ROR2: variants seen among roughly 807,000 people sequenced by gnomAD.
The protein encoded by ROR2 is tyrosine-protein kinase transmembrane receptor ROR2.
ROR2 carries 33 observed loss-of-function variants against 74.9 expected under a neutral mutation model. The observed-to-expected ratio is 0.44, with a 90% confidence interval of 0.33 to 0.59. The LOEUF is 0.59. ROR2 is among the 20% of genes least tolerant of loss of function. The probability of loss-of-function intolerance (pLI) is 0.02; values close to 1 mark genes in which losing one functional copy is unlikely to be tolerated. For missense variants in ROR2, 1,216 were observed against 1,313.8 expected, an observed-to-expected ratio of 0.93 and a Z score of 1.15; for synonymous variants, 586 against 558.7, an observed-to-expected ratio of 1.05 and a Z score of -0.69.
At chr9:91,878,466 G>C (rs542488955) in intron 1 of ROR2, among the ~76,000 whole-genome samples, 2 of 152,310 alleles carry the variant, frequency 1.3e-5, no homozygotes, top group African/African-American at 4.8e-5. Context: ...ACCCACCTGA[G>C]AGCATCTCCC....
At chr9:91,775,889 CAA>C in intron 1 of ROR2, 71 bp from the exon 2 acceptor site, 6 of 1,284,770 alleles carry the variant, frequency 4.7e-6, no homozygotes, top group Non-Finnish European at 6.7e-6. Context: ...GCTTCTTATG[CAA>C]AGACAACAGC....
At chr9:91,736,848 G>A (rs556861508) in intron 5 of ROR2, among the ~76,000 whole-genome samples, 8 of 152,290 alleles carry the variant, frequency 5.3e-5, no homozygotes, top group African/African-American at 1.4e-4. Context: ...ACCCAAAGAC[G>A]TGGCTTTGTT....
chr9:91,816,771 G>T (rs1315676279), intron 1 of ROR2, among the ~76,000 whole-genome samples: 1 of 145,022 alleles, frequency 6.9e-6, no homozygotes, highest in Non-Finnish European at 1.5e-5. Flanking sequence ...GTCCATGGAG[G>T]ATTTAAACAT....
rs534157036 is a variant in ROR2 at position 91,888,708 on chromosome 9, A to T, written c.97+61159T>A. 3.3e-5 allele frequency among the ~76,000 whole-genome samples: 5 copies of T among 152,350 alleles called. 1 individual carries two copies. The highest frequency in any genetic ancestry group is 3.3e-4 in the Admixed American group (5 of 15,308). On this transcript the variant is annotated intron_variant, in intron 1 of 8. Coordinates refer to ENST00000375708, the MANE Select transcript of ROR2 (RefSeq NM_004560.4). ...CAGAATAAAACATGTGTCCATGTGC[A>T]TTAATAAGAAACAAGGGGCAACTGG...
rs201740043 is a variant in ROR2 at position 91,757,416 on chromosome 9, G to A, written c.319C>T (p.Arg107Trp). 2.5e-5 allele frequency: 40 copies of A among 1,613,798 alleles called. No individual in the cohort carries two copies. Among genetic ancestry groups the A allele is most frequent in the Admixed American group, 8.3e-5 (5 of 59,962 alleles). ...KNDAPVVQEP[R>W]RIIIRKTEYG... ...TCTGTCTTCCGGATGATGATCCGCCGCGGCTCCTGCACCACCGGGGCATCA... is the reference window on the plus strand; with the variant it reads ...TCTGTCTTCCGGATGATGATCCGCCACGGCTCCTGCACCACCGGGGCATCA... Residue 107 changes from arginine to tryptophan, a missense_variant, in exon 3 of 9, where the codon CGG becomes TGG. Transcript: ENST00000375708.
Position 91,871,848 on chromosome 9 carries a change from G to A in ROR2, c.97+78019C>T, listed in dbSNP as rs556173547. ...GTTCTTGGGTCGAGAGACCCCCCCA[G>A]CACCCAACAGCACCACCAACCAGCC... On this transcript the variant is annotated intron_variant, in intron 1 of 8. Transcript: ENST00000375708. 1.4e-4 allele frequency among the ~76,000 whole-genome samples: 21 copies of A among 152,234 alleles called. 1 individual carries two copies. Among genetic ancestry groups the A allele is most frequent in the Middle Eastern group, 3.4e-3 (1 of 294 alleles).
intron 1 of ROR2, chr9:91,948,795 C>T (rs539566438): frequency 3.3e-5 from 33 of 985,348 alleles, no homozygotes; most frequent in Admixed American, 3.1e-4. Flanking sequence ...GGGCTTCAGG[C>T]GAACCCCATA....
At chr9:91,909,322 G>A (rs972112167) in intron 1 of ROR2, among the ~76,000 whole-genome samples, 1 of 152,018 alleles carries the variant, frequency 6.6e-6, no homozygotes, top group Non-Finnish European at 1.5e-5. Flanking sequence ...TGGAAAACCA[G>A]GAATGAAGAC....
At chr9:91,792,810 G>A (rs1827044937) in intron 1 of ROR2, among the ~76,000 whole-genome samples, 1 of 152,128 alleles carries the variant, frequency 6.6e-6, no homozygotes. Flanking sequence ...AATTCCTACA[G>A]AAATGAAAAC....
intron 1 of ROR2, among the ~76,000 whole-genome samples, chr9:91,904,173 T>C (rs1056492211): frequency 6.6e-6 from 1 of 151,916 alleles, no homozygotes; most frequent in Non-Finnish European, 1.5e-5. Context: ...CCCGAGTAGC[T>C]GGGATTACAG....
chr9:91,818,706 G>A (rs1242332350), intron 1 of ROR2, among the ~76,000 whole-genome samples: 3 of 152,172 alleles, frequency 2.0e-5, no homozygotes, highest in African/African-American at 4.8e-5. Context: ...AAAACAGAAA[G>A]AACAGAGTGG....
intron 1 of ROR2, among the ~76,000 whole-genome samples, chr9:91,878,959 G>A (rs979707854): frequency 5.9e-5 from 9 of 151,906 alleles, no homozygotes; most frequent in Non-Finnish European, 1.0e-4. Context: ...GGAGAATGGC[G>A]TGAACCCGGG....
rs921920483 is a variant in ROR2, at chr9:91,724,329, T to C, written c.2165A>G (p.Tyr722Cys). The C allele has an allele frequency of 1.9e-6, 3 of 1,613,382 alleles. No homozygotes were observed. The highest frequency in any genetic ancestry group is 2.7e-5 in the African/African-American group (2 of 75,040). ...GTTCCAGCACTCGATCATGAGGGCA[T>C]ACACCCAGGCGGGACAGTCATCGGG... is the stretch of plus-strand genomic sequence containing the variant. ...PCPDDCPAWV[Y>C]ALMIECWNEF... Residue 722 changes from tyrosine (Y) to cysteine (C), a missense_variant, in exon 9 of 9, where the codon TAT (tyrosine) becomes TGT (cysteine). Transcript: ENST00000375708.
chr9:91,743,223 A>G (rs1825304626), intron 4 of ROR2, among the ~76,000 whole-genome samples: 1 of 152,228 alleles, frequency 6.6e-6, no homozygotes, highest in Non-Finnish European at 1.5e-5. Flanking sequence ...AAACTGAAGC[A>G]AAGAGACAAA....
Position 91,762,876 on chromosome 9 carries a change from T to C in ROR2, c.176-5317A>G, listed in dbSNP as rs1034699099. 2.6e-5 allele frequency among the ~76,000 whole-genome samples: 4 copies of C among 152,316 alleles called. No individual in the cohort carries two copies. In the East Asian group the frequency reaches 5.8e-4, roughly 22 times the overall value. On this transcript the variant is annotated intron_variant, in intron 2 of 8. Transcript: ENST00000375708. ...AGCTATTTCCACATTATTGCTATTG[T>C]AACATTTAATGACCACCTATATAGA...
chr9:91,929,330 G>C lies in ROR2; in HGVS notation c.97+20537C>G, dbSNP rs574761447. ...CACAGTGAAATCCACTTTGCAAAAC[G>C]TTACCGCAGCCACAGAGGAAAATTT... On this transcript the variant is annotated intron_variant, in intron 1 of 8. Transcript: ENST00000375708. 5.9e-5 allele frequency among the ~76,000 whole-genome samples: 9 copies of C among 152,268 alleles called. 1 individual carries two copies. The highest frequency in any genetic ancestry group is 5.2e-4 in the Admixed American group (8 of 15,296).
intron 4 of ROR2, among the ~76,000 whole-genome samples, chr9:91,754,631 G>A (rs181890272): frequency 6.6e-6 from 1 of 152,106 alleles, no homozygotes; most frequent in African/African-American, 2.4e-5. Context: ...CTCCAGCCTG[G>A]GTGACAGGGC....
chr9:91,772,089 A>C (rs1017490383), intron 2 of ROR2, among the ~76,000 whole-genome samples: 1 of 152,196 alleles, frequency 6.6e-6, no homozygotes, highest in African/African-American at 2.4e-5. Flanking sequence ...TTCTATTACT[A>C]ATCATATAAG....
Position 91,812,185 on chromosome 9 carries a change from T to C in ROR2, c.98-36367A>G, listed in dbSNP as rs200670914. Reference sequence around the variant, plus strand: ...GGACAAACTTGGTCTCGGTGTTCCATTCACTTGACTCCTCGTCTCTGCTGA... The same window carrying C: ...GGACAAACTTGGTCTCGGTGTTCCACTCACTTGACTCCTCGTCTCTGCTGA... On this transcript the variant is annotated intron_variant, in intron 1 of 8. Transcript: ENST00000375708. Among the ~76,000 whole-genome samples the C allele has an allele frequency of 3.3e-5, 5 of 152,172 alleles. No individual in the cohort carries two copies. In the East Asian group the frequency reaches 9.6e-4, roughly 29 times the overall value.
Sources: allele counts gnomAD v4.1 joint callset (sites outside exome capture counted in the v4.1 genomes callset), GRCh38; gene constraint gnomAD v4.1.1; transcripts MANE v1.5; gene names NCBI Gene and HGNC (gene_info 2026-07-23, HGNC 2026-07-21).